Variants in UBE2D2 observed in about 807,000 individuals in gnomAD.
The protein encoded by UBE2D2 is ubiquitin-conjugating enzyme E2 D2.
Under a neutral mutation model 24.2 loss-of-function variants are expected in UBE2D2, and 2 were observed. The observed-to-expected ratio is 0.08, with a 90% CI of 0.03 to 0.26. The LOEUF (loss-of-function observed/expected upper bound fraction) is 0.26. Among genes scored for constraint, UBE2D2 ranks in the 10% least tolerant of loss-of-function variants. The pLI is 1.00. For missense variants in UBE2D2, 44 were observed against 177.6 expected (o/e 0.25, Z 4.28); for synonymous variants, 58 against 56.5 (o/e 1.03, Z -0.12).
At chr5:139,545,116 A>G (rs1441572160) in intron 1 of UBE2D2, among the ~76,000 whole-genome samples, 1 of 152,132 alleles carries the variant, frequency 6.6e-6, no homozygotes, top group Non-Finnish European at 1.5e-5. Flanking sequence ...TAGTTCTTCC[A>G]TAGGGACATA....
At position 139,614,620 on chromosome 5, in the gene UBE2D2, A is replaced by G. The variant is rs369208748; in HGVS notation, c.120+3A>G. On this transcript the variant is annotated splice_donor_region_variant and intron_variant, in intron 3 of 6. Transcript: ENST00000398733. ...GGCAAGCTACAATAATGGGGCCAGT[A>G]AGTATTCAGATTAATTTCAGAATAA... 2.5e-6 allele frequency: 4 copies of G among 1,613,620 alleles called. No homozygotes were observed. In the African/African-American group the frequency reaches 4.0e-5, roughly 16 times the overall value.
chr5:139,551,327 C>T (rs575957387), intron 1 of UBE2D2, among the ~76,000 whole-genome samples: 31 of 152,144 alleles, frequency 2.0e-4, no homozygotes, highest in African/African-American at 7.5e-4. Flanking sequence ...CCAGCCTGGG[C>T]AACAAGAGTG....
intron 1 of UBE2D2, 72 bp downstream of exon 1, chr5:139,561,887 T>TC: frequency 7.0e-7 from 1 of 1,434,150 alleles, no homozygotes; most frequent in Non-Finnish European, 9.1e-7. Flanking sequence ...CGCCGTAGTC[T>TC]CCGTCGGGCT....
chr5:139,549,897 G>A (rs1032606307), intron 1 of UBE2D2, among the ~76,000 whole-genome samples: 2 of 152,058 alleles, frequency 1.3e-5, no homozygotes, highest in African/African-American at 4.8e-5. Flanking sequence ...AGGGTTCATG[G>A]ATGCAGCAAT....
At chr5:139,564,281 G>A (rs1753170539) in intron 1 of UBE2D2, among the ~76,000 whole-genome samples, 1 of 151,998 alleles carries the variant, frequency 6.6e-6, no homozygotes, top group African/African-American at 2.4e-5. Context: ...AGCCTCCCGA[G>A]TAGCTGGGAT....
chr5:139,538,649 T>C (rs1189820356), intron 1 of UBE2D2, among the ~76,000 whole-genome samples: 2 of 152,030 alleles, frequency 1.3e-5, no homozygotes, highest in Admixed American at 6.6e-5. Flanking sequence ...GGCGGGCAGA[T>C]CACCTGAGGT....
intron 1 of UBE2D2, among the ~76,000 whole-genome samples, chr5:139,546,218 A>G (rs958132345): frequency 1.4e-5 from 2 of 142,682 alleles, no homozygotes; most frequent in Non-Finnish European, 3.1e-5. Context: ...TAATTTTTGT[A>G]TTTGTAGTAG....
At chr5:139,529,167 C>T (rs765703719) in intron 1 of UBE2D2, among the ~76,000 whole-genome samples, 1 of 152,228 alleles carries the variant, frequency 6.6e-6, no homozygotes, top group South Asian at 2.1e-4. Context: ...CCAAAAGGAA[C>T]CTGTTTGTAT....
intron 1 of UBE2D2, among the ~76,000 whole-genome samples, chr5:139,549,560 C>T (rs958939512): frequency 1.5e-4 from 23 of 152,334 alleles, no homozygotes; most frequent in Admixed American, 6.5e-4. Context: ...AAATTCTTGC[C>T]GGGCCTCAGC....
At chr5:139,540,154 G>C (rs1752736504) in intron 1 of UBE2D2, among the ~76,000 whole-genome samples, 1 of 151,692 alleles carries the variant, frequency 6.6e-6, no homozygotes, top group East Asian at 1.9e-4. Flanking sequence ...CCCAACCTCA[G>C]GTGATCAGCC....
intron 5 of UBE2D2, among the ~76,000 whole-genome samples, chr5:139,616,291 C>CTCCA (rs1003859975): frequency 3.9e-5 from 6 of 151,930 alleles, no homozygotes; most frequent in Admixed American, 2.6e-4. Context: ...CGCCACTGCA[C>CTCCA]TCCAGCCTGG....
chr5:139,532,181 T>TA (rs1253995964), intron 1 of UBE2D2, among the ~76,000 whole-genome samples: 1 of 150,552 alleles, frequency 6.6e-6, no homozygotes, highest in Non-Finnish European at 1.5e-5. Flanking sequence ...TACTTTTTTT[T>TA]TTTTTTTGGG....
intron 1 of UBE2D2, among the ~76,000 whole-genome samples, chr5:139,593,335 G>C (rs1431348480): frequency 6.6e-6 from 1 of 152,030 alleles, no homozygotes; most frequent in Non-Finnish European, 1.5e-5. Flanking sequence ...TAATATTTTA[G>C]ATCCAGATTT....
chr5:139,534,205 G>A (rs1386495284), intron 1 of UBE2D2, among the ~76,000 whole-genome samples: 1 of 151,810 alleles, frequency 6.6e-6, no homozygotes, highest in Non-Finnish European at 1.5e-5. Context: ...GGCCCAGGCG[G>A]GCAGATCACC....
chr5:139,567,200 A>G (rs1375034282), intron 1 of UBE2D2, among the ~76,000 whole-genome samples: 1 of 150,306 alleles, frequency 6.7e-6, no homozygotes, highest in African/African-American at 2.4e-5. Flanking sequence ...CCCAGGTTCA[A>G]GCAATTCTCC....
At chr5:139,582,490 C>T (rs1027410962) in intron 1 of UBE2D2, among the ~76,000 whole-genome samples, 1 of 151,846 alleles carries the variant, frequency 6.6e-6, no homozygotes, top group Non-Finnish European at 1.5e-5. Context: ...AGATTACAGG[C>T]GTGAGCCACT....
intron 1 of UBE2D2, among the ~76,000 whole-genome samples, chr5:139,585,436 C>T (rs1753708890): frequency 6.6e-6 from 1 of 151,716 alleles, no homozygotes; most frequent in African/African-American, 2.4e-5. Flanking sequence ...CTTTGTTGAC[C>T]AAACTGATCT....
chr5:139,575,986 A>G (rs1310065512), intron 1 of UBE2D2, among the ~76,000 whole-genome samples: 2 of 152,172 alleles, frequency 1.3e-5, no homozygotes, highest in Admixed American at 6.6e-5. Flanking sequence ...TCTGCACTGC[A>G]CTCCAGCCTA....
chr5:139,583,798 TTAAAGG>T (rs1355124120), intron 1 of UBE2D2, among the ~76,000 whole-genome samples: 1 of 152,002 alleles, frequency 6.6e-6, no homozygotes, highest in Non-Finnish European at 1.5e-5. Context: ...CAAAGGATAG[TTAAAGG>T]TAAAATAGGA....
Sources: gnomAD v4.1 joint callset for allele counts (sites outside exome capture counted in the v4.1 genomes callset) on GRCh38, gnomAD v4.1.1 for gene constraint, MANE v1.5 for transcripts, NCBI Gene and HGNC (gene_info 2026-07-23, HGNC 2026-07-21) for gene names.